TMEM178B: variants seen among roughly 807,000 people sequenced by gnomAD.
TMEM178B encodes transmembrane protein 178B.
Under a neutral mutation model 31.0 loss-of-function variants are expected in TMEM178B, and 5 were observed. The ratio of observed to expected loss-of-function variants is 0.16; its 90% CI spans 0.08 to 0.34. TMEM178B has a LOEUF of 0.34. TMEM178B is among the 10% of genes least tolerant of loss of function. The pLI is 1.00. For synonymous variants in TMEM178B, 164 were observed against 164.0 expected, an observed-to-expected ratio of 1.00 and a Z score of 0.00; for missense variants, 275 against 400.3, an observed-to-expected ratio of 0.69 and a Z score of 2.67.
chr7:141,132,910 G>A (rs1365777270), intron 1 of TMEM178B, among the ~76,000 whole-genome samples: 1 of 152,156 alleles, frequency 6.6e-6, no homozygotes, highest in African/African-American at 2.4e-5. Flanking sequence ...CTCCCACAGA[G>A]CCTTGCCGTA....
At position 141,476,658 on chromosome 7, in the gene TMEM178B, C is replaced by T. The variant is rs150939195; in HGVS notation, c.*5872C>T. ...ATATAAGGAAGCCCTTTAGATGGTA[C>T]ATTCACTAAGACGTGTCTGGGTGTG... On this transcript the variant is annotated 3_prime_UTR_variant, in exon 4 of 4. Coordinates refer to ENST00000565468, the MANE Select transcript of TMEM178B (RefSeq NM_001195278.2). The T allele has an allele frequency of 3.2e-4, 48 of 152,302 alleles. No individual in the cohort carries two copies. The highest frequency in any genetic ancestry group is 1.1e-3 in the African/African-American group (44 of 41,554). 9.4% of individuals were successfully genotyped at this position (152,302 alleles called of 1,614,324 possible).
chr7:141,439,525 C>T (rs1405804264), intron 3 of TMEM178B, among the ~76,000 whole-genome samples: 1 of 152,124 alleles, frequency 6.6e-6, no homozygotes, highest in Admixed American at 6.5e-5. Flanking sequence ...TATATTTTAG[C>T]AATGGAAGCT....
chr7:141,114,754 A>G (rs543411118), intron 1 of TMEM178B, among the ~76,000 whole-genome samples: 193 of 152,312 alleles, frequency 1.3e-3, no homozygotes, highest in Middle Eastern at 3.4e-3. Context: ...CCTACTGCAT[A>G]TAAACTATTA....
At chr7:141,340,079 CTTTGAAGATGTGATTAAGTTAGGAGAGA>C (rs1252412554) in intron 2 of TMEM178B, among the ~76,000 whole-genome samples, 2 of 152,160 alleles carry the variant, frequency 1.3e-5, no homozygotes, top group African/African-American at 2.4e-5. Context: ...GAAAAGAGGA[CTTTGAAGATGTGATTAAGTTAGGAGAGA>C]TTTGAAGATG....
At chr7:141,285,219 C>T (rs1458098990) in intron 2 of TMEM178B, among the ~76,000 whole-genome samples, 3 of 126,680 alleles carry the variant, frequency 2.4e-5, no homozygotes, top group East Asian at 2.5e-4. Flanking sequence ...GGCATGATCT[C>T]GGCTCACTTC....
intron 1 of TMEM178B, among the ~76,000 whole-genome samples, chr7:141,078,340 C>A (rs571474357): frequency 2.6e-4 from 40 of 152,214 alleles, no homozygotes; most frequent in Middle Eastern, 3.4e-3. Context: ...ACTCTAAGAA[C>A]TTTTTATTAT....
intron 1 of TMEM178B, among the ~76,000 whole-genome samples, chr7:141,098,685 A>G (rs573784123): frequency 1.3e-5 from 2 of 152,384 alleles, no homozygotes; most frequent in East Asian, 3.9e-4. Flanking sequence ...AGTAAATGCC[A>G]TAGAATAGTA....
At position 141,110,920 on chromosome 7, in the gene TMEM178B, G is replaced by A. The variant is rs79964556; in HGVS notation, c.382+36228G>A. 9.7e-4 allele frequency among the ~76,000 whole-genome samples: 147 copies of A among 152,260 alleles called. 3 individuals carry two copies. In the East Asian group the frequency reaches 0.024, roughly 25 times the overall value. On this transcript the variant is annotated intron_variant, in intron 1 of 3. Transcript: ENST00000565468. ...AGGTCATGTGAACACACGGTGAGAA[G>A]GAAGCCAGCTACAAGCCAAGAAGAG...
intron 1 of TMEM178B, among the ~76,000 whole-genome samples, chr7:141,115,476 T>A (rs2129175685): frequency 6.6e-6 from 1 of 152,264 alleles, no homozygotes; most frequent in African/African-American, 2.4e-5. Flanking sequence ...ATTGAAATTA[T>A]CAGATTGTTT....
intron 2 of TMEM178B, among the ~76,000 whole-genome samples, chr7:141,262,136 G>A (rs1313149397): frequency 6.6e-6 from 1 of 152,190 alleles, no homozygotes; most frequent in Non-Finnish European, 1.5e-5. Flanking sequence ...AGCCAAGGCA[G>A]TTTGCTTCAC....
chr7:141,175,943 C>G lies in TMEM178B; in HGVS notation c.383-36648C>G, dbSNP rs191402489. ...CTTCCTCTTTTCCTACTTGAATACA[C>G]TTTACTTCTTTCTCTTGCCTGACTT... On this transcript the variant is annotated intron_variant, in intron 1 of 3. Transcript: ENST00000565468. Among the ~76,000 whole-genome samples, 111 of 152,266 alleles carry G rather than the reference C, an allele frequency of 7.3e-4. 1 individual carries two copies. Among genetic ancestry groups the G allele is most frequent in the Non-Finnish European group, 1.3e-3 (90 of 68,018 alleles).
chr7:141,156,314 T>C (rs1796069278), intron 1 of TMEM178B, among the ~76,000 whole-genome samples: 1 of 152,150 alleles, frequency 6.6e-6, no homozygotes, highest in South Asian at 2.1e-4. Flanking sequence ...TACTATGCCA[T>C]GATTATAAGA....
At chr7:141,131,175 C>A (rs1198330680) in intron 1 of TMEM178B, among the ~76,000 whole-genome samples, 1 of 152,174 alleles carries the variant, frequency 6.6e-6, no homozygotes, top group Non-Finnish European at 1.5e-5. Context: ...TTGGACCAGT[C>A]CACCCAACCT....
chr7:141,125,427 A>T (rs948569944), intron 1 of TMEM178B, among the ~76,000 whole-genome samples: 15 of 152,114 alleles, frequency 9.9e-5, no homozygotes, highest in Non-Finnish European at 2.2e-4. Flanking sequence ...TCACACCTGT[A>T]ATCCCAGCAC....
intron 1 of TMEM178B, among the ~76,000 whole-genome samples, chr7:141,176,281 A>G (rs1184203236): frequency 6.6e-6 from 1 of 152,182 alleles, no homozygotes; most frequent in Non-Finnish European, 1.5e-5. Flanking sequence ...CATATGTTGA[A>G]CCAGACTTGC....
At chr7:141,123,528 T>C (rs1795441810) in intron 1 of TMEM178B, among the ~76,000 whole-genome samples, 1 of 152,208 alleles carries the variant, frequency 6.6e-6, no homozygotes, top group African/African-American at 2.4e-5. Context: ...TGCACCTGCC[T>C]CAGACCCAGG....
the TMEM178B span, among the ~76,000 whole-genome samples, chr7:141,497,205 T>C: frequency 6.6e-6 from 1 of 152,146 alleles, no homozygotes; most frequent in African/African-American, 2.4e-5. Flanking sequence ...GAGAGAGACC[T>C]CAGGCAGGGG....
chr7:141,186,245 G>T (rs1001728168), intron 1 of TMEM178B, among the ~76,000 whole-genome samples: 1 of 152,198 alleles, frequency 6.6e-6, no homozygotes, highest in East Asian at 1.9e-4. Context: ...CAAGCAGGTG[G>T]TGCCAATAGC....
intron 2 of TMEM178B, among the ~76,000 whole-genome samples, chr7:141,291,949 A>G (rs1463751264): frequency 6.9e-6 from 1 of 144,886 alleles, no homozygotes; most frequent in Non-Finnish European, 1.5e-5. Context: ...TTTTTCAAAT[A>G]TCAAAGCCCT....
Sources: gnomAD v4.1 joint callset for allele counts (sites outside exome capture counted in the v4.1 genomes callset) on GRCh38, gnomAD v4.1.1 for gene constraint, MANE v1.5 for transcripts, NCBI Gene and HGNC (gene_info 2026-07-23, HGNC 2026-07-21) for gene names.